CNBD2: variants seen among roughly 807,000 people sequenced by gnomAD.
CNBD2 encodes the protein cyclic nucleotide binding domain containing 2.
Under a neutral mutation model 63.7 loss-of-function variants are expected in CNBD2, and 64 were observed. That is an observed-to-expected ratio of 1.00 (90% CI 0.82 to 1.24). The LOEUF is 1.24. Ranked by LOEUF, CNBD2 falls within the 50% of genes most tolerant of loss-of-function variation. CNBD2 has a pLI of 0.00. For missense variants in CNBD2, 691 were observed against 713.5 expected (o/e 0.97, Z 0.36); for synonymous variants, 229 against 255.4 (o/e 0.90, Z 0.99).
In CNBD2 at chr20:35,980,588, C is replaced by A. The variant is rs1005755918; in HGVS notation, c.373C>A (p.Gln125Lys). 11 of 1,613,758 alleles carry A rather than the reference C, an allele frequency of 6.8e-6. No homozygotes were observed. The African/African-American group carries it at 1.3e-4, about 20-fold the overall frequency. ...DSYRNYAEPL[Q>K]LLLAKVMRFE... is the part of the protein sequence containing the mutation. ...CTATCGGAACTACGCAGAGCCCCTGCAGCTGCTCCTGGCCAAAGTCATGCG... is the reference window on the plus strand; with the variant it reads ...CTATCGGAACTACGCAGAGCCCCTGAAGCTGCTCCTGGCCAAAGTCATGCG... The change falls in exon 4 of 12, where the codon CAG (glutamine) becomes AAG (lysine). Residue 125 changes from glutamine to lysine, a missense_variant. By Grantham distance (53) the Gln-to-Lys change is moderately conservative. Transcript: ENST00000373973.
chr20:35,991,780 C>CACT (rs2056749340), intron 7 of CNBD2, among the ~76,000 whole-genome samples: 1 of 152,196 alleles, frequency 6.6e-6, no homozygotes, highest in African/African-American at 2.4e-5. Context: ...CAGTTTAGTA[C>CACT]ATGCTTACTC....
At chr20:35,958,879 A>G (rs773574592), downstream of CNBD2, 9 of 152,240 alleles carry the variant, frequency 5.9e-5, no homozygotes, top group Admixed American at 1.3e-4. Flanking sequence ...CATATAGTGT[A>G]TAATCATTTG....
chr20:36,004,679 G>A (rs1046978930), intron 8 of CNBD2, among the ~76,000 whole-genome samples: 8 of 151,550 alleles, frequency 5.3e-5, no homozygotes, highest in East Asian at 1.9e-4. Flanking sequence ...CAGTCCTCTC[G>A]CCTCTCCTGA....
At chr20:35,958,382 A>C (rs1257792636), downstream of CNBD2, among the ~76,000 whole-genome samples, 1 of 152,214 alleles carries the variant, frequency 6.6e-6, no homozygotes, top group Non-Finnish European at 1.5e-5. Context: ...CAGTGAGCTG[A>C]GATCGTGCCA....
upstream of CNBD2, among the ~76,000 whole-genome samples, chr20:35,967,081 C>G (rs919187616): frequency 5.3e-5 from 8 of 152,256 alleles, no homozygotes; most frequent in African/African-American, 1.9e-4. Flanking sequence ...TCTGCCCCAC[C>G]TGGAGAGTAT....
intron 8 of CNBD2, among the ~76,000 whole-genome samples, chr20:36,006,268 T>C (rs548120538): frequency 1.3e-4 from 19 of 151,882 alleles, no homozygotes; most frequent in Admixed American, 5.9e-4. Flanking sequence ...GACCTCTTGA[T>C]CTGCCCGCCT....
chr20:35,984,525 A>G (rs2056640146), intron 5 of CNBD2, 102 bp from the exon 6 acceptor site: 10 of 1,260,220 alleles, frequency 7.9e-6, no homozygotes, highest in Non-Finnish European at 1.1e-5. Context: ...TCTGGTGAGG[A>G]GAGAATTCAG....
chr20:35,996,939 A>G (rs777083357), intron 8 of CNBD2, among the ~76,000 whole-genome samples: 2 of 152,120 alleles, frequency 1.3e-5, no homozygotes, highest in Non-Finnish European at 2.9e-5. Flanking sequence ...CAAAGCCCAG[A>G]CTTTCTTCTC....
chr20:35,995,022 C>G lies in CNBD2; in HGVS notation c.856-16C>G. 1 of 1,592,746 alleles carries G rather than the reference C, an allele frequency of 6.3e-7. No individual in the cohort carries two copies. Among genetic ancestry groups the G allele is most frequent in the Non-Finnish European group, 8.6e-7 (1 of 1,160,588 alleles). The stretch of plus-strand genomic sequence containing the variant: ...TTAGGGGTTAACCCTTTTCCTATGT[C>G]CCTTGCTGTGTTCAGGGCAGCTGTG... On this transcript the variant is annotated splice_polypyrimidine_tract_variant and intron_variant, in intron 7 of 11. Transcript: ENST00000373973.
At chr20:36,005,777 T>C (rs1048894612) in intron 8 of CNBD2, among the ~76,000 whole-genome samples, 5 of 151,610 alleles carry the variant, frequency 3.3e-5, no homozygotes, top group African/African-American at 1.2e-4. Flanking sequence ...GGTGAAACGC[T>C]GTCTCTAATA....
intron 2 of CNBD2, among the ~76,000 whole-genome samples, chr20:35,961,469 C>T (rs2056308717): frequency 6.6e-6 from 1 of 152,136 alleles, no homozygotes; most frequent in African/African-American, 2.4e-5. Flanking sequence ...TTTTAAAATT[C>T]ATTAAGCCCT....
chr20:36,010,328 G>A (rs1046790859), intron 9 of CNBD2, among the ~76,000 whole-genome samples: 7 of 151,662 alleles, frequency 4.6e-5, no homozygotes, highest in Admixed American at 1.3e-4. Flanking sequence ...CCTCCATAAC[G>A]AGCACCCTGT....
At chr20:36,014,572 A>T (rs1267863390) in intron 10 of CNBD2, among the ~76,000 whole-genome samples, 1 of 150,890 alleles carries the variant, frequency 6.6e-6, no homozygotes, top group East Asian at 2.0e-4. Context: ...CTCATGGTCC[A>T]CCCACCTCGG....
exon 1 of CNBD2, chr20:35,954,832 T>G: frequency 3.1e-6 from 1 of 323,120 alleles, no homozygotes; most frequent in East Asian, 1.1e-4. Flanking sequence ...CGGGAATGAT[T>G]AGGGTGACGG....
chr20:36,009,386 T>C (rs1033541529), intron 9 of CNBD2, among the ~76,000 whole-genome samples: 9 of 151,806 alleles, frequency 5.9e-5, no homozygotes, highest in African/African-American at 1.9e-4. Flanking sequence ...GTATTTTTAG[T>C]AGAGACGAGG....
intron 10 of CNBD2, among the ~76,000 whole-genome samples, chr20:36,018,143 T>C (rs2057160339): frequency 6.6e-6 from 1 of 152,202 alleles, no homozygotes; most frequent in Non-Finnish European, 1.5e-5. Flanking sequence ...TATTAATGTT[T>C]CAGAGTAAGG....
chr20:36,006,097 T>A (rs1601079313), intron 8 of CNBD2, among the ~76,000 whole-genome samples: 2 of 151,728 alleles, frequency 1.3e-5, no homozygotes, highest in Admixed American at 1.3e-4. Flanking sequence ...GGCACGATCT[T>A]GGCTCCCTGC....
intron 7 of CNBD2, 26 bp from the exon 8 acceptor site, chr20:35,995,012 T>A (rs1347585235): frequency 1.3e-6 from 2 of 1,558,376 alleles, no homozygotes; most frequent in Non-Finnish European, 1.8e-6. Context: ...GGTTAACCCT[T>A]TTCCTATGTC....
downstream of CNBD2, among the ~76,000 whole-genome samples, chr20:35,956,449 A>G (rs554999586): frequency 2.0e-5 from 3 of 152,322 alleles, no homozygotes; most frequent in Admixed American, 2.0e-4. Context: ...TCCTTTAGAC[A>G]AGATACTCTG....
Sources: allele counts gnomAD v4.1 joint callset (sites outside exome capture counted in the v4.1 genomes callset), GRCh38; gene constraint gnomAD v4.1.1; transcripts MANE v1.5; gene names NCBI Gene and HGNC (gene_info 2026-07-23, HGNC 2026-07-21).